Variants in PRICKLE1 observed in about 807,000 individuals in gnomAD.
PRICKLE1 encodes prickle planar cell polarity protein 1, also known as prickle-like protein 1.
PRICKLE1 carries 14 observed loss-of-function variants against 70.2 expected under a neutral mutation model. The ratio of observed to expected loss-of-function variants is 0.20; its 90% confidence interval spans 0.13 to 0.31. The LOEUF (loss-of-function observed/expected upper bound fraction) is 0.31. Ranked by LOEUF, PRICKLE1 falls within the 10% of genes least tolerant of loss-of-function variation. The probability of loss-of-function intolerance (pLI) is 1.00; values close to 1 mark genes in which losing one functional copy is unlikely to be tolerated. For synonymous variants in PRICKLE1, 357 were observed against 379.9 expected, an observed-to-expected ratio of 0.94 and a Z score of 0.70; for missense variants, 821 against 1,026.2, an observed-to-expected ratio of 0.80 and a Z score of 2.73.
At chr12:42,587,592 T>C (rs1178594782) in intron 1 of PRICKLE1, among the ~76,000 whole-genome samples, 1 of 152,254 alleles carries the variant, frequency 6.6e-6, no homozygotes, top group Non-Finnish European at 1.5e-5. Flanking sequence ...CTTCTGTGTT[T>C]CCTGACTCGC....
At chr12:42,485,239 G>GTTTTTTTTTTTTTT (rs556218718) in intron 1 of PRICKLE1, 2 of 100,784 alleles carry the variant, frequency 2.0e-5, no homozygotes, top group Non-Finnish European at 3.8e-5. Context: ...CAGCTGAGAA[G>GTTTTTTTTTTTTTT]TTTTTTTTTT....
At chr12:42,510,000 A>T (rs924354184) in intron 1 of PRICKLE1, among the ~76,000 whole-genome samples, 2 of 151,836 alleles carry the variant, frequency 1.3e-5, no homozygotes, top group African/African-American at 2.4e-5. Context: ...TTGAACCCGC[A>T]AGGTGGAGAC....
intron 1 of PRICKLE1, among the ~76,000 whole-genome samples, chr12:42,538,464 T>G (rs1940051702): frequency 6.6e-6 from 1 of 152,172 alleles, no homozygotes; most frequent in African/African-American, 2.4e-5. Flanking sequence ...AAAATGCTGA[T>G]TCTGATACAG....
At chr12:42,486,480 T>A (rs939172934) in intron 1 of PRICKLE1, among the ~76,000 whole-genome samples, 5 of 152,174 alleles carry the variant, frequency 3.3e-5, no homozygotes, top group African/African-American at 1.2e-4. Flanking sequence ...TAATCTAAAG[T>A]CAAGCTGAAC....
chr12:42,579,695 A>G (rs1940866215), intron 1 of PRICKLE1, among the ~76,000 whole-genome samples: 1 of 152,198 alleles, frequency 6.6e-6, no homozygotes, highest in East Asian at 1.9e-4. Context: ...AAAAGTTCAA[A>G]GGAAATTGGA....
intron 7 of PRICKLE1, among the ~76,000 whole-genome samples, chr12:42,461,664 A>G (rs953430650): frequency 6.6e-6 from 1 of 152,226 alleles, no homozygotes; most frequent in African/African-American, 2.4e-5. Flanking sequence ...CCACTTCCAG[A>G]TTAATCTTCT....
At chr12:42,561,997 C>T (rs1442983801) in intron 1 of PRICKLE1, among the ~76,000 whole-genome samples, 2 of 150,174 alleles carry the variant, frequency 1.3e-5, no homozygotes, top group African/African-American at 2.5e-5. Flanking sequence ...CTGAAATCTC[C>T]GCCTCCTGGG....
chr12:42,471,362 CA>C (rs2140122075), intron 2 of PRICKLE1, among the ~76,000 whole-genome samples: 1 of 152,248 alleles, frequency 6.6e-6, no homozygotes, highest in South Asian at 2.1e-4. Flanking sequence ...AAAAAAAAGA[CA>C]GGAGACAGGA....
In PRICKLE1 at chr12:42,466,296, G is replaced by C; in HGVS notation, c.673C>G (p.Leu225Val). The part of the protein sequence containing the change: ...HFCCLECETV[L>V]GGQRYIMKDG... ...TTCATGATATACCTCTGTCCTCCCAGGACCGTTTCACACTCAAGGCAGCAG... is the reference window on the plus strand; with the variant it reads ...TTCATGATATACCTCTGTCCTCCCACGACCGTTTCACACTCAAGGCAGCAG... The change falls in exon 6 of 8, where the codon CTG (leucine) becomes GTG (valine). Residue 225 changes from leucine (L) to valine (V), a missense_variant. Transcript: ENST00000345127. The C allele has an allele frequency of 6.2e-7, 1 of 1,614,116 alleles. No homozygotes were observed. Among genetic ancestry groups the C allele is most frequent in the East Asian group, 2.2e-5 (1 of 44,884 alleles).
chr12:42,519,464 G>A (rs1241498922), intron 1 of PRICKLE1, among the ~76,000 whole-genome samples: 4 of 152,040 alleles, frequency 2.6e-5, no homozygotes, highest in Non-Finnish European at 5.9e-5. Flanking sequence ...CCAAAGTGCC[G>A]GGATTATAGG....
At chr12:42,556,397 C>G (rs1412656018) in intron 1 of PRICKLE1, among the ~76,000 whole-genome samples, 1 of 152,168 alleles carries the variant, frequency 6.6e-6, no homozygotes, top group African/African-American at 2.4e-5. Flanking sequence ...AATATCTATA[C>G]ATGGCCTAAG....
At chr12:42,552,979 C>A (rs1029915054) in intron 1 of PRICKLE1, among the ~76,000 whole-genome samples, 1 of 152,188 alleles carries the variant, frequency 6.6e-6, no homozygotes, top group Admixed American at 6.5e-5. Context: ...TGCAGCTGAT[C>A]TGACAGGAGG....
rs117225444 is a variant in PRICKLE1 at position 42,571,509 on chromosome 12, T to C, written c.-49+17956A>G. ...TCCTAGCCTCAGTCTGCAGGCAGTT[T>C]TGGGGTTGGTCTTGTCTGAGGAAGC... is the stretch of plus-strand genomic sequence containing the variant. On this transcript the variant is annotated intron_variant, in intron 1 of 7. Transcript: ENST00000345127. Among the ~76,000 whole-genome samples the C allele has an allele frequency of 4.1e-3, 625 of 152,258 alleles. 9 individuals are homozygous for C. In the South Asian group the frequency reaches 0.044, roughly 11 times the overall value.
rs1410578009 is a variant in PRICKLE1 at position 42,456,831 on chromosome 12, A to AGAT, written c.*2975_*2977dup. On this transcript the variant is annotated 3_prime_UTR_variant, in exon 8 of 8. Transcript: ENST00000345127. ...GGCAGTTGCTTCTTTCTTCCGTTGT[A>AGAT]GATAGTCTTCTGTTATTGCTACAAA... The AGAT allele has an allele frequency of 6.6e-6, 1 of 152,164 alleles. No homozygotes were observed. The highest frequency in any genetic ancestry group is 6.5e-5 in the Admixed American group (1 of 15,278). 9.4% of individuals were successfully genotyped at this position (152,164 alleles called of 1,614,324 possible).
At chr12:42,585,886 C>T (rs951638018) in intron 1 of PRICKLE1, among the ~76,000 whole-genome samples, 2 of 152,138 alleles carry the variant, frequency 1.3e-5, no homozygotes, top group African/African-American at 4.8e-5. Context: ...AAGTCAGAGG[C>T]TTGGGGCTGC....
chr12:42,488,521 A>G (rs1291422192), intron 1 of PRICKLE1, among the ~76,000 whole-genome samples: 2 of 152,222 alleles, frequency 1.3e-5, no homozygotes, highest in African/African-American at 2.4e-5. Flanking sequence ...TAATTGAATA[A>G]AAAACTTTAG....
chr12:42,548,092 C>G (rs1215877263), intron 1 of PRICKLE1, among the ~76,000 whole-genome samples: 1 of 152,056 alleles, frequency 6.6e-6, no homozygotes, highest in Non-Finnish European at 1.5e-5. Flanking sequence ...CACTATGTTG[C>G]TCACACTGGC....
chr12:42,518,558 T>C (rs1939650227), intron 1 of PRICKLE1, among the ~76,000 whole-genome samples: 2 of 152,232 alleles, frequency 1.3e-5, no homozygotes, highest in Non-Finnish European at 2.9e-5. Flanking sequence ...GCTGCCAACC[T>C]AAATTTGAAA....
At chr12:42,539,195 C>T (rs1024400516) in intron 1 of PRICKLE1, among the ~76,000 whole-genome samples, 3 of 152,056 alleles carry the variant, frequency 2.0e-5, no homozygotes, top group Admixed American at 6.5e-5. Flanking sequence ...TGGCTGGGCA[C>T]GGTGGCTCAC....
Sources: allele counts gnomAD v4.1 joint callset (sites outside exome capture counted in the v4.1 genomes callset), GRCh38; gene constraint gnomAD v4.1.1; transcripts MANE v1.5; gene names NCBI Gene and HGNC (gene_info 2026-07-23, HGNC 2026-07-21).